Variants in TMX1 observed in about 807,000 individuals in gnomAD.
The protein encoded by TMX1 is thioredoxin related transmembrane protein 1.
Under a neutral mutation model 36.6 loss-of-function variants are expected in TMX1, and 25 were observed. The ratio of observed to expected loss-of-function variants is 0.68; its 90% CI spans 0.50 to 0.95. The LOEUF is 0.95. TMX1 is among the 40% of genes least tolerant of loss of function. The pLI is 0.00. For missense variants in TMX1, 347 were observed against 339.6 expected, an observed-to-expected ratio of 1.02 and a Z score of -0.17; for synonymous variants, 133 against 118.0, an observed-to-expected ratio of 1.13 and a Z score of -0.82.
intron 7 of TMX1, among the ~76,000 whole-genome samples, chr14:51,250,315 A>G (rs2065805751): frequency 6.6e-6 from 1 of 152,174 alleles, no homozygotes; most frequent in African/African-American, 2.4e-5. Context: ...ACTTTTACTT[A>G]TCTGTTACCT....
At chr14:51,241,562 A>T (rs1483191179) in intron 1 of TMX1, among the ~76,000 whole-genome samples, 1 of 152,204 alleles carries the variant, frequency 6.6e-6, no homozygotes, top group South Asian at 2.1e-4. Context: ...TTGTTAGAAC[A>T]CCTTCTTCTT....
At chr14:51,242,356 A>G (rs1281115370) in intron 1 of TMX1, among the ~76,000 whole-genome samples, 1 of 152,170 alleles carries the variant, frequency 6.6e-6, no homozygotes, top group African/African-American at 2.4e-5. Context: ...GTGTGTGTAT[A>G]TGCAAAATAC....
At chr14:51,249,626 TA>T in intron 6 of TMX1, 57 bp downstream of exon 6, 1 of 1,597,330 alleles carries the variant, frequency 6.3e-7, no homozygotes. Context: ...TGTGATTATT[TA>T]AAATAGTTAC....
chr14:51,241,416 C>T (rs1029675689), intron 1 of TMX1, among the ~76,000 whole-genome samples: 2 of 152,146 alleles, frequency 1.3e-5, no homozygotes, highest in African/African-American at 2.4e-5. Context: ...ATATTTAATT[C>T]CCTACAAATT....
intron 3 of TMX1, 82 bp from the exon 4 acceptor site, chr14:51,247,008 CTG>C (rs2065788597): frequency 2.4e-6 from 3 of 1,232,422 alleles, no homozygotes; most frequent in East Asian, 2.5e-5. Flanking sequence ...TTAGAATTGA[CTG>C]TAAAGTGAAG....
At position 51,255,306 on chromosome 14, in the gene TMX1, A is replaced by G. The variant is rs2139860456; in HGVS notation, c.*787A>G. ...CAAACTGAAGTTTACTGAGAGATCC[A>G]TCAAATTGAACAATCTGTTGTAATT... is the stretch of plus-strand genomic sequence containing the variant. On this transcript the variant is annotated 3_prime_UTR_variant, in exon 8 of 8. Transcript: ENST00000457354. 1 of 151,968 alleles carries G rather than the reference A, an allele frequency of 6.6e-6. No homozygotes were observed. Among genetic ancestry groups the G allele is most frequent in the East Asian group, 1.9e-4 (1 of 5,182 alleles). The allele number at this position is 151,968 out of a possible 1,614,324, so 9.4% of individuals were successfully genotyped here.
At chr14:51,252,990 C>G (rs2065821860) in intron 7 of TMX1, among the ~76,000 whole-genome samples, 1 of 152,042 alleles carries the variant, frequency 6.6e-6, no homozygotes. Flanking sequence ...TGGCCCTTTC[C>G]AGTCACTAGC....
Position 51,254,726 on chromosome 14 carries a change from T to C in TMX1, c.*207T>C. ...TTTAAGCACAGTATGATGGTTTAAA[T>C]AGTTCTCTAATTTTTGAAAAATCGT... On this transcript the variant is annotated 3_prime_UTR_variant, in exon 8 of 8. Transcript: ENST00000457354. The C allele has an allele frequency of 2.6e-6, 1 of 385,580 alleles. No individual in the cohort carries two copies. The highest frequency in any genetic ancestry group is 4.5e-6 in the Non-Finnish European group (1 of 219,946). 23.9% of individuals were successfully genotyped at this position (385,580 alleles called of 1,614,324 possible). A position where few individuals can be genotyped will look rare whatever the true frequency, so the allele number is the denominator to read the frequency against.
intron 6 of TMX1, 27 bp from the exon 7 acceptor site, chr14:51,249,666 G>T: frequency 6.2e-7 from 1 of 1,605,832 alleles, no homozygotes; most frequent in Non-Finnish European, 8.5e-7. Context: ...TCTACATTCA[G>T]ATTTCTTACA....
rs750840265 is a variant in TMX1, at chr14:51,240,287, G to C, written c.-6G>C. The C allele has an allele frequency of 1.2e-6, 2 of 1,608,930 alleles. No individual in the cohort carries two copies. The highest frequency in any genetic ancestry group is 2.2e-5 in the South Asian group (2 of 91,018). On this transcript the variant is annotated 5_prime_UTR_variant, in exon 1 of 8. Coordinates refer to ENST00000457354, the MANE Select transcript of TMX1 (RefSeq NM_030755.5). The stretch of plus-strand genomic sequence containing the variant: ...CGCGCTCCCTGTGAGGTGGGCAAGC[G>C]GCGAAATGGCGCCCTCCGGGAGTCT...
At chr14:51,247,310 T>G in intron 4 of TMX1, 90 bp downstream of exon 4, 5 of 1,417,898 alleles carry the variant, frequency 3.5e-6, no homozygotes, top group Non-Finnish European at 4.7e-6. Context: ...CTCAGTTTGT[T>G]TCTTGAGCTG....
intron 1 of TMX1, among the ~76,000 whole-genome samples, chr14:51,242,990 A>G (rs758480684): frequency 1.3e-4 from 20 of 151,804 alleles, no homozygotes; most frequent in Non-Finnish European, 2.5e-4. Flanking sequence ...TACAATGTCT[A>G]TTTTAGGAGT....
intron 1 of TMX1, among the ~76,000 whole-genome samples, chr14:51,242,817 AAAG>A (rs2065768018): frequency 6.6e-6 from 1 of 152,292 alleles, no homozygotes; most frequent in African/African-American, 2.4e-5. Context: ...CGAACCTGAA[AAAG>A]AAGGACTCTA....
chr14:51,247,852 C>A (rs546856875), intron 4 of TMX1, among the ~76,000 whole-genome samples: 1 of 152,132 alleles, frequency 6.6e-6, no homozygotes, highest in African/African-American at 2.4e-5. Context: ...AGCTATCACT[C>A]GAGTGTAATA....
rs1396928655 is a variant in TMX1 at position 51,255,572 on chromosome 14, A to G, written c.*1053A>G. ...CTTAAATGTATTTTTGTCCTCATAT[A>G]CAGAAAGTTCTTAATTGATTTTACA... On this transcript the variant is annotated 3_prime_UTR_variant, in exon 8 of 8. Coordinates refer to ENST00000457354, the MANE Select transcript of TMX1 (RefSeq NM_030755.5). The G allele has an allele frequency of 6.6e-6, 1 of 152,046 alleles. No homozygotes were observed. Among genetic ancestry groups the G allele is most frequent in the Non-Finnish European group, 1.5e-5 (1 of 67,900 alleles). The allele number at this position is 152,046 out of a possible 1,614,324, so 9.4% of individuals were successfully genotyped here.
chr14:51,246,526 C>A (rs1228352053), intron 3 of TMX1, among the ~76,000 whole-genome samples: 1 of 152,100 alleles, frequency 6.6e-6, no homozygotes, highest in African/African-American at 2.4e-5. Flanking sequence ...TCTGACAGAA[C>A]TTTCTACATT....
In TMX1 at chr14:51,240,452, C is replaced by A; in HGVS notation, c.152+8C>A. On this transcript the variant is annotated splice_region_variant and intron_variant, in intron 1 of 7. Transcript: ENST00000457354. ...AGACTGGATGATAGAATTGTGAGTG[C>A]GGGGCGGCCAGGGTCCTACGTCCGT... 1 of 1,612,590 alleles carries A rather than the reference C, an allele frequency of 6.2e-7. No individual in the cohort carries two copies. The highest frequency in any genetic ancestry group is 8.5e-7 in the Non-Finnish European group (1 of 1,179,308).
In TMX1 at chr14:51,256,553, G is replaced by A. The variant is rs2065839615; in HGVS notation, c.*2034G>A. On this transcript the variant is annotated 3_prime_UTR_variant, in exon 8 of 8. Coordinates refer to ENST00000457354, the MANE Select transcript of TMX1 (RefSeq NM_030755.5). ...AAAGTAATATCCTGGAGAATTCTGG[G>A]CCACCTACCCACCATAATCAATTCA... The A allele has an allele frequency of 6.6e-6, 1 of 152,104 alleles. No individual in the cohort carries two copies. 9.4% of individuals were successfully genotyped at this position (152,104 alleles called of 1,614,324 possible).
chr14:51,248,277 TC>T lies in TMX1; in HGVS notation c.444-1047del, dbSNP rs982684596. On this transcript the variant is annotated intron_variant, in intron 4 of 7. Transcript: ENST00000457354. ...TTTTGCTGAGGTCACCATGGACTGA[TC>T]CTGTGTGGCCATCTGTCTCTTCCTG... Among the ~76,000 whole-genome samples, 5 of 152,364 alleles carry T rather than the reference TC, an allele frequency of 3.3e-5. 2 individuals carry two copies. Among genetic ancestry groups the T allele is most frequent in the African/African-American group, 1.2e-4 (5 of 41,588 alleles).
Sources: allele counts gnomAD v4.1 joint callset (sites outside exome capture counted in the v4.1 genomes callset), GRCh38; gene constraint gnomAD v4.1.1; transcripts MANE v1.5; gene names NCBI Gene and HGNC (gene_info 2026-07-23, HGNC 2026-07-21).